MAN1B1: variants seen among roughly 807,000 people sequenced by gnomAD.
MAN1B1 encodes mannosidase alpha class 1B member 1.
MAN1B1 carries 66 observed loss-of-function variants against 75.5 expected under a neutral mutation model. The observed-to-expected ratio is 0.87, with a 90% CI of 0.72 to 1.07. The LOEUF (loss-of-function observed/expected upper bound fraction) is 1.07, where lower values mean the gene tolerates loss of function less well. Among genes scored for constraint, MAN1B1 ranks in the 50% least tolerant of loss-of-function variants. The probability of loss-of-function intolerance (pLI) is 0.00; values close to 1 mark genes in which losing one functional copy is unlikely to be tolerated. For synonymous variants in MAN1B1, 453 were observed against 382.8 expected (o/e 1.18, Z -2.14); for missense variants, 973 against 912.5 (o/e 1.07, Z -0.85).
chr9:137,108,894 G>T lies in MAN1B1; in HGVS notation c.*303G>T. The T allele has an allele frequency of 1.8e-6, 1 of 550,128 alleles. No individual in the cohort carries two copies. The highest frequency in any genetic ancestry group is 1.5e-5 in the South Asian group (1 of 65,362). The allele number at this position is 550,128 out of a possible 1,614,324, so 34.1% of individuals were successfully genotyped here. Reference sequence around the variant, plus strand: ...GGTCTCTGTGGGCCGACCAGAGGGGGGCTTCGAGGTGGTCCCTGGTACTGG... The same window carrying T: ...GGTCTCTGTGGGCCGACCAGAGGGGTGCTTCGAGGTGGTCCCTGGTACTGG... On this transcript the variant is annotated 3_prime_UTR_variant, in exon 13 of 13. Transcript: ENST00000371589.
chr9:137,096,319 A>C lies in MAN1B1; in HGVS notation c.548A>C (p.Glu183Ala). 2 of 1,614,138 alleles carry C rather than the reference A, an allele frequency of 1.2e-6. No homozygotes were observed. The highest frequency in any genetic ancestry group is 8.5e-7 in the Non-Finnish European group (1 of 1,180,044). Reference sequence around the variant, plus strand: ...CAAGACCTGAAGGATGGGACCCAGGAGGAGGCCACAAAAAGGCAAGAAGCC... The same window carrying C: ...CAAGACCTGAAGGATGGGACCCAGGCGGAGGCCACAAAAAGGCAAGAAGCC... ...PSQDLKDGTQEEATKRQEAPV... is the reference protein window; with the variant it reads ...PSQDLKDGTQAEATKRQEAPV... The change falls in exon 4 of 13, where the codon GAG (glutamate) becomes GCG (alanine). Residue 183 changes from glutamate to alanine, a missense_variant. Coordinates refer to ENST00000371589, the MANE Select transcript of MAN1B1 (RefSeq NM_016219.5).
At chr9:137,098,417 G>A (rs1830715520) in intron 5 of MAN1B1, among the ~76,000 whole-genome samples, 1 of 152,196 alleles carries the variant, frequency 6.6e-6, no homozygotes, top group African/African-American at 2.4e-5. Context: ...TGAAAAGCAG[G>A]GCTGAGGACA....
intron 8 of MAN1B1, chr9:137,102,942 C>T (rs571093743): frequency 8.3e-5 from 35 of 419,738 alleles, no homozygotes; most frequent in South Asian, 3.8e-4. Flanking sequence ...GCATGCAGGT[C>T]GGTGGTGTTA....
chr9:137,094,708 G>C (rs952925720), intron 3 of MAN1B1, among the ~76,000 whole-genome samples: 7 of 150,342 alleles, frequency 4.7e-5, no homozygotes, highest in East Asian at 4.0e-4. Flanking sequence ...GTGAAATCCT[G>C]TCTCTACTAA....
In MAN1B1 at chr9:137,095,922, G is replaced by A. The variant is rs192670838; in HGVS notation, c.466-315G>A. On this transcript the variant is annotated intron_variant, in intron 3 of 12. Transcript: ENST00000371589. The stretch of plus-strand genomic sequence containing the variant: ...GTGCGGGAGGCCTGGGGACCCAGAG[G>A]TGTTGCTGGAGCTGGTGTTTACTGC... Among the ~76,000 whole-genome samples, 76 of 152,340 alleles carry A rather than the reference G, an allele frequency of 5.0e-4. No individual in the cohort carries two copies. In the East Asian group the frequency reaches 6.6e-3, roughly 13 times the overall value.
intron 12 of MAN1B1, 42 bp from the exon 13 acceptor site, chr9:137,108,346 G>T (rs1831192609): frequency 1.3e-6 from 2 of 1,500,750 alleles, no homozygotes; most frequent in East Asian, 4.5e-5. Context: ...GGGGGGTGCA[G>T]GGTGCCCCCC....
Position 137,106,889 on chromosome 9 carries a change from G to GAAC in MAN1B1, c.1566+81_1566+83dup, listed in dbSNP as rs5901117. 0.76 allele frequency: 1,187,276 copies of GAAC among 1,570,388 alleles called. 451,777 individuals carry two copies. The highest frequency in any genetic ancestry group is 0.95 in the African/African-American group (70,697 of 74,130). ...GGTGCCTGAGTCATGATGTCAAAAA[G>GAAC]AACGAAATCCTGGCCATGGCGCCCA... On this transcript the variant is annotated intron_variant, in intron 10 of 12. Transcript: ENST00000371589.
chr9:137,106,543 G>A (rs1831114558), intron 9 of MAN1B1, 146 bp from the exon 10 acceptor site: 2 of 1,324,950 alleles, frequency 1.5e-6, no homozygotes, highest in South Asian at 1.2e-5. Context: ...TTCACTGAGG[G>A]CCATGGGCTG....
intron 8 of MAN1B1, 189 bp from the exon 9 acceptor site, chr9:137,105,936 G>A (rs1221435500): frequency 1.4e-5 from 10 of 698,264 alleles, no homozygotes; most frequent in Non-Finnish European, 2.6e-5. Context: ...ACTGGTGGCT[G>A]TGTGGCTGTG....
chr9:137,098,839 C>T (rs959046228), intron 5 of MAN1B1, among the ~76,000 whole-genome samples: 10 of 151,374 alleles, frequency 6.6e-5, no homozygotes, highest in Admixed American at 6.6e-4. Context: ...GGCCCCATCT[C>T]TACAAAAAAA....
intron 5 of MAN1B1, 122 bp from the exon 6 acceptor site, chr9:137,099,574 G>A (rs567719314): frequency 3.5e-5 from 38 of 1,098,130 alleles, no homozygotes; most frequent in Middle Eastern, 2.8e-4. Flanking sequence ...CCTTCCCGTC[G>A]TCCCAAACCC....
intron 3 of MAN1B1, among the ~76,000 whole-genome samples, chr9:137,094,830 A>G (rs1251298830): frequency 6.6e-6 from 1 of 151,556 alleles, no homozygotes; most frequent in African/African-American, 2.4e-5. Context: ...CAGTGAGCCA[A>G]GATCACGCCA....
intron 5 of MAN1B1, 134 bp from the exon 6 acceptor site, chr9:137,099,562 G>A (rs757035426): frequency 1.8e-4 from 166 of 937,356 alleles, no homozygotes; most frequent in Non-Finnish European, 2.7e-4. Context: ...GCCCACCACC[G>A]CCCTTCCCGT....
intron 8 of MAN1B1, chr9:137,101,906 C>G (rs199697646): frequency 1.4e-5 from 9 of 650,328 alleles, no homozygotes; most frequent in African/African-American, 5.5e-5. Flanking sequence ...CTGTTGCAGG[C>G]GTGCAGGTCG....
At chr9:137,106,955 T>C (rs1185128416) in intron 10 of MAN1B1, 146 bp downstream of exon 10, 4 of 1,202,364 alleles carry the variant, frequency 3.3e-6, no homozygotes, top group Non-Finnish European at 4.6e-6. Context: ...TGGCCAGGCC[T>C]GTCTTGGCAA....
intron 8 of MAN1B1, chr9:137,105,051 TGCCATGTTG>T (rs1265170901): frequency 2.6e-5 from 4 of 152,380 alleles, no homozygotes; most frequent in African/African-American, 9.7e-5. Flanking sequence ...GATGGGGTTT[TGCCATGTTG>T]GCCAGGATGG....
At position 137,087,091 on chromosome 9, in the gene MAN1B1, T is replaced by C. The variant is rs753477079; in HGVS notation, c.92T>C (p.Val31Ala). 2 of 1,598,924 alleles carry C rather than the reference T, an allele frequency of 1.3e-6. No homozygotes were observed. The highest frequency in any genetic ancestry group is 1.7e-6 in the Non-Finnish European group (2 of 1,174,832). ...CCAGTGGGCGGGGCCCCTTGGGCCG[T>C]CGCCACCACTGTAGTCATGTACCCA... ...TPPVGGAPWA[V>A]ATTVVMYPPP... The change falls in exon 1 of 13, where the codon GTC (valine) becomes GCC (alanine). Residue 31 changes from valine (V) to alanine (A), a missense_variant. Coordinates refer to ENST00000371589, the MANE Select transcript of MAN1B1 (RefSeq NM_016219.5).
intron 10 of MAN1B1, 32 bp downstream of exon 10, chr9:137,106,841 G>C: frequency 1.9e-6 from 3 of 1,609,536 alleles, no homozygotes; most frequent in Non-Finnish European, 2.5e-6. Context: ...TCCGGCCGCC[G>C]CCCCTTTTAC....
intron 8 of MAN1B1, chr9:137,103,696 ACT>A (rs1243993209): frequency 5.3e-6 from 1 of 189,460 alleles, no homozygotes; most frequent in Non-Finnish European, 9.9e-6. Context: ...ACACATTCAC[ACT>A]GTTGCAGGCG....
Sources: allele counts gnomAD v4.1 joint callset (sites outside exome capture counted in the v4.1 genomes callset), GRCh38; gene constraint gnomAD v4.1.1; transcripts MANE v1.5; gene names NCBI Gene and HGNC (gene_info 2026-07-23, HGNC 2026-07-21).